The following FBXO9 variants were observed in gnomAD, a reference collection of about 807,000 sequenced individuals.
The protein encoded by FBXO9 is F-box only protein 9.
In FBXO9, 43 loss-of-function variants were observed where a neutral mutation model predicts 63.7. That is an observed-to-expected ratio of 0.67 (90% CI 0.53 to 0.87). FBXO9 has a LOEUF of 0.87. FBXO9 is among the 40% of genes least tolerant of loss of function. The probability of loss-of-function intolerance (pLI) is 0.00; values close to 1 mark genes in which losing one functional copy is unlikely to be tolerated. For synonymous variants in FBXO9, 156 were observed against 171.7 expected (o/e 0.91, Z 0.72); for missense variants, 442 against 533.2 (o/e 0.83, Z 1.68).
intron 9 of FBXO9, chr6:53,093,031 G>T (rs1581831300): frequency 2.3e-6 from 1 of 443,430 alleles, no homozygotes; most frequent in Non-Finnish European, 3.9e-6. Context: ...ATTTCTTCTT[G>T]TCTTTTGCCC....
intron 4 of FBXO9, among the ~76,000 whole-genome samples, chr6:53,078,097 T>C (rs1159297867): frequency 6.6e-6 from 1 of 152,208 alleles, no homozygotes; most frequent in Admixed American, 6.5e-5. Flanking sequence ...AAAACTATTC[T>C]TTATTCCACC....
At position 53,076,519 on chromosome 6, in the gene FBXO9, G is replaced by A; in HGVS notation, c.283G>A (p.Glu95Lys). ...RELFLKAVEE[E>K]QNGALYEAIK... ...ACTCTTCCTAAAAGCAGTAGAAGAA[G>A]AACAAAATGGAGCTCTCTATGAAGG... The change falls in exon 4 of 13, where the codon GAA becomes AAA. Residue 95 changes from glutamate to lysine, a missense_variant. Around this residue, in one of 2 missense-constraint regions of FBXO9, gnomAD observed 180 missense variants for 171.1 expected, o/e 1.05. Transcript: ENST00000323557. 1 of 1,545,258 alleles carries A rather than the reference G, an allele frequency of 6.5e-7. No homozygotes were observed.
At chr6:53,092,211 G>A (rs1763059355) in intron 7 of FBXO9, 2 of 459,252 alleles carry the variant, frequency 4.4e-6, no homozygotes, top group Admixed American at 3.8e-5. Flanking sequence ...TCTGTTGGTT[G>A]ATTTTTGCAC....
chr6:53,065,594 C>A lies in FBXO9; in HGVS notation c.-196C>A. The A allele has an allele frequency of 1.6e-6, 1 of 606,728 alleles. No homozygotes were observed. Among genetic ancestry groups the A allele is most frequent in the Non-Finnish European group, 2.4e-6 (1 of 409,758 alleles). The allele number at this position is 606,728 out of a possible 1,614,324, so 37.6% of individuals were successfully genotyped here. Reference sequence around the variant, plus strand: ...GCGCGCCCCGATCTGGCCCCCTGCCCCGCGAAGATGGCTGCCGTACGCCGG... The same window carrying A: ...GCGCGCCCCGATCTGGCCCCCTGCCACGCGAAGATGGCTGCCGTACGCCGG... On this transcript the variant is annotated 5_prime_UTR_variant, in exon 1 of 13. Coordinates refer to ENST00000323557, the MANE Select transcript of FBXO9 (RefSeq NM_033480.3).
rs959052598 is a variant in FBXO9 at position 53,080,969 on chromosome 6, A to C, written c.409A>C (p.Ile137Leu). The change falls in exon 6 of 13, where the codon ATT becomes CTT. Residue 137 changes from isoleucine to leucine, a missense_variant and splice_region_variant. This residue lies in a region of FBXO9 where 180 missense variants were observed against 171.1 expected (regional missense o/e 1.05). Coordinates refer to ENST00000323557, the MANE Select transcript of FBXO9 (RefSeq NM_033480.3). ...PDGDGVGNSY[I>L]EDNDDDSKMA... ...ATTTATTCACCTCCCTTTTTTCAGC[A>C]TTGAAGATAATGATGATGACAGCAA... 2 of 1,613,162 alleles carry C rather than the reference A, an allele frequency of 1.2e-6. No individual in the cohort carries two copies. The highest frequency in any genetic ancestry group is 1.3e-5 in the African/African-American group (1 of 74,962).
At chr6:53,066,666 T>G (rs1768710792) in intron 1 of FBXO9, among the ~76,000 whole-genome samples, 1 of 152,244 alleles carries the variant, frequency 6.6e-6, no homozygotes, top group Non-Finnish European at 1.5e-5. Flanking sequence ...GCCCCTAAAC[T>G]TTCAGAAGTA....
rs1763326320 is a variant in FBXO9, at chr6:53,100,753, G to A, written c.*2923G>A. On this transcript the variant is annotated 3_prime_UTR_variant, in exon 13 of 13. Transcript: ENST00000323557. ...CTCCCCACATAAGAATGCCCTGTAA[G>A]CATTTTGTTAAATATTTTTAATGAC... 6.6e-6 allele frequency: 1 copy of A among 152,104 alleles called. No homozygotes were observed. The highest frequency in any genetic ancestry group is 2.4e-5 in the African/African-American group (1 of 41,404). 9.4% of individuals were successfully genotyped at this position (152,104 alleles called of 1,614,324 possible).
intron 2 of FBXO9, among the ~76,000 whole-genome samples, chr6:53,071,543 A>G (rs541202124): frequency 6.6e-6 from 1 of 152,352 alleles, no homozygotes; most frequent in South Asian, 2.1e-4. Flanking sequence ...TACATAGAGC[A>G]CTCATATATT....
rs145307595 is a variant in FBXO9 at position 53,077,095 on chromosome 6, T to A, written c.307+552T>A. On this transcript the variant is annotated intron_variant, in intron 4 of 12. Coordinates refer to ENST00000323557, the MANE Select transcript of FBXO9 (RefSeq NM_033480.3). ...TGCTCTTTTTATAGGTGAAAATTGC[T>A]TCAGAGGATGGGAATATAAAGGATA... is the stretch of plus-strand genomic sequence containing the variant. Among the ~76,000 whole-genome samples the A allele has an allele frequency of 8.7e-3, 1,321 of 152,240 alleles. 9 individuals are homozygous for A. Among genetic ancestry groups the A allele is most frequent in the Non-Finnish European group, 0.014 (950 of 67,998 alleles).
At chr6:53,082,817 A>G (rs1176509183) in intron 7 of FBXO9, among the ~76,000 whole-genome samples, 199 bp downstream of exon 7, 1 of 152,222 alleles carries the variant, frequency 6.6e-6, no homozygotes, top group Non-Finnish European at 1.5e-5. Context: ...TCTAGGGTAT[A>G]GAATAATATG....
rs754879745 is a variant in FBXO9 at position 53,071,099 on chromosome 6, G to T, written c.46G>T (p.Asp16Tyr). The change falls in exon 2 of 13, where the codon GAT becomes TAT. Residue 16 changes from aspartate (D) to tyrosine (Y), a missense_variant. Transcript: ENST00000323557. ...EDCHSDTVRA[D>Y]DDEENESPAE... Reference sequence around the variant, plus strand: ...TTGTCATTCTGATACTGTCAGAGCAGATGATGATGAAGAAAATGAAAGTCC... The same window carrying T: ...TTGTCATTCTGATACTGTCAGAGCATATGATGATGAAGAAAATGAAAGTCC... 6.4e-7 allele frequency: 1 copy of T among 1,569,858 alleles called. No homozygotes were observed. The highest frequency in any genetic ancestry group is 1.2e-5 in the South Asian group (1 of 85,624).
chr6:53,096,597 T>G (rs566886596), intron 12 of FBXO9, among the ~76,000 whole-genome samples: 8 of 152,288 alleles, frequency 5.3e-5, no homozygotes, highest in African/African-American at 1.9e-4. Context: ...GGATTTTTTT[T>G]TTCTACTTTT....
At chr6:53,081,166 G>A (rs1769300034) in intron 6 of FBXO9, 68 bp downstream of exon 6, 1 of 1,504,080 alleles carries the variant, frequency 6.6e-7, no homozygotes, top group Non-Finnish European at 9.0e-7. Flanking sequence ...AAATTTATAA[G>A]GTCAGATAAT....
chr6:53,098,233 G>A lies in FBXO9; in HGVS notation c.*403G>A. 3.2e-6 allele frequency: 1 copy of A among 311,966 alleles called. No homozygotes were observed. Among genetic ancestry groups the A allele is most frequent in the South Asian group, 2.6e-5 (1 of 38,594 alleles). The allele number at this position is 311,966 out of a possible 1,614,324, so 19.3% of individuals were successfully genotyped here. ...CCTAATATTTCAATGCATCAGGGGA[G>A]CGCTCCACTGGATAAGCATTTTATT... On this transcript the variant is annotated 3_prime_UTR_variant, in exon 13 of 13. Transcript: ENST00000323557.
chr6:53,066,727 C>T (rs987626020), intron 1 of FBXO9, among the ~76,000 whole-genome samples: 4 of 152,200 alleles, frequency 2.6e-5, no homozygotes, highest in African/African-American at 7.2e-5. Context: ...TTAATCGCAC[C>T]TGTGAAACAG....
In FBXO9 at chr6:53,092,409, A is replaced by G. The variant is rs754532033; in HGVS notation, c.654-20A>G. 6.4e-7 allele frequency: 1 copy of G among 1,559,414 alleles called. No individual in the cohort carries two copies. The highest frequency in any genetic ancestry group is 1.4e-5 in the African/African-American group (1 of 73,684). The stretch of plus-strand genomic sequence containing the variant: ...GTATAGGGACTTAGTTTTTATTGAC[A>G]TTGTGCTTTTATTCCCTAGAGACCC... On this transcript the variant is annotated intron_variant, in intron 7 of 12. Transcript: ENST00000323557.
chr6:53,086,425 T>C (rs1371230245), intron 7 of FBXO9, among the ~76,000 whole-genome samples: 2 of 152,214 alleles, frequency 1.3e-5, no homozygotes, highest in Non-Finnish European at 2.9e-5. Flanking sequence ...AGGCGTTATA[T>C]TGATAAAACA....
intron 7 of FBXO9, among the ~76,000 whole-genome samples, chr6:53,083,147 G>A (rs945619258): frequency 7.9e-5 from 12 of 152,064 alleles, no homozygotes; most frequent in African/African-American, 2.2e-4. Flanking sequence ...AAATCAAGAT[G>A]GATTAAAGAC....
intron 1 of FBXO9, among the ~76,000 whole-genome samples, chr6:53,069,479 A>G (rs917238501): frequency 2.0e-5 from 3 of 152,228 alleles, no homozygotes; most frequent in Non-Finnish European, 4.4e-5. Flanking sequence ...ATTCTAGAAC[A>G]TTTCTCCTCC....
Sources: gnomAD v4.1 joint callset for allele counts (sites outside exome capture counted in the v4.1 genomes callset) on GRCh38, gnomAD v4.1.1 for gene constraint, gnomAD v4.1.1 regional missense constraint, MANE v1.5 for transcripts, NCBI Gene and HGNC (gene_info 2026-07-23, HGNC 2026-07-21) for gene names.